Variants in STXBP5L observed in about 807,000 individuals in gnomAD.
STXBP5L encodes syntaxin binding protein 5L.
Under a neutral mutation model 144.5 loss-of-function variants are expected in STXBP5L, and 65 were observed. That is an observed-to-expected ratio of 0.45 (90% CI 0.37 to 0.55). The LOEUF is 0.55. Among genes scored for constraint, STXBP5L ranks in the 20% least tolerant of loss-of-function variants. The pLI is 0.00. For synonymous variants in STXBP5L, 505 were observed against 469.6 expected, an observed-to-expected ratio of 1.08 and a Z score of -0.97; for missense variants, 1,298 against 1,405.5, an observed-to-expected ratio of 0.92 and a Z score of 1.22.
intron 7 of STXBP5L, among the ~76,000 whole-genome samples, chr3:121,134,104 T>C (rs2045128009): frequency 6.6e-6 from 1 of 152,176 alleles, no homozygotes; most frequent in Non-Finnish European, 1.5e-5. Context: ...AAAAGGAATT[T>C]ATTTATTACA....
At chr3:120,979,894 G>T (rs2107864334) in intron 3 of STXBP5L, among the ~76,000 whole-genome samples, 1 of 152,230 alleles carries the variant, frequency 6.6e-6, no homozygotes, top group South Asian at 2.1e-4. Context: ...TTCTTTTGCT[G>T]TATCCTGTAT....
At chr3:121,069,523 C>T (rs1049475026) in intron 5 of STXBP5L, among the ~76,000 whole-genome samples, 2 of 151,500 alleles carry the variant, frequency 1.3e-5, no homozygotes, top group Non-Finnish European at 1.5e-5. Flanking sequence ...GCGCAATTGC[C>T]GGGTTGTATG....
intron 20 of STXBP5L, among the ~76,000 whole-genome samples, chr3:121,320,143 T>C (rs2108534457): frequency 6.6e-6 from 1 of 152,330 alleles, no homozygotes; most frequent in South Asian, 2.1e-4. Context: ...CAATATTGAA[T>C]TTTTCGTTTA....
chr3:121,208,401 G>A (rs995716541), intron 10 of STXBP5L, among the ~76,000 whole-genome samples: 33 of 152,048 alleles, frequency 2.2e-4, no homozygotes, highest in Admixed American at 1.2e-3. Flanking sequence ...GTTAATGGGT[G>A]CAGCACACCA....
intron 3 of STXBP5L, among the ~76,000 whole-genome samples, chr3:120,960,634 T>TCATTCTCAG (rs1313833627): frequency 4.6e-5 from 7 of 152,024 alleles, no homozygotes; most frequent in Admixed American, 4.6e-4. Context: ...TTGGAAACCA[T>TCATTCTCAG]CATTCTCAGC....
chr3:121,367,790 C>CGTTTTTT (rs756426144), intron 20 of STXBP5L, among the ~76,000 whole-genome samples: 1 of 106,304 alleles, frequency 9.4e-6, no homozygotes, highest in Non-Finnish European at 1.8e-5. Context: ...TTTGCTTTTC[C>CGTTTTTT]TTTTTTTTTT....
intron 7 of STXBP5L, among the ~76,000 whole-genome samples, chr3:121,145,203 ATCTT>A (rs1280416322): frequency 6.6e-6 from 1 of 151,870 alleles, no homozygotes; most frequent in African/African-American, 2.4e-5. Flanking sequence ...TAATGGAAAA[ATCTT>A]AAATAAAATA....
At chr3:121,132,268 T>C (rs2045026492) in intron 7 of STXBP5L, among the ~76,000 whole-genome samples, 1 of 152,186 alleles carries the variant, frequency 6.6e-6, no homozygotes, top group South Asian at 2.1e-4. Flanking sequence ...AGTGGATCTG[T>C]GCATCCAGTG....
At chr3:121,356,157 A>G (rs1390398499) in intron 20 of STXBP5L, among the ~76,000 whole-genome samples, 1 of 152,236 alleles carries the variant, frequency 6.6e-6, no homozygotes, top group South Asian at 2.1e-4. Flanking sequence ...TCAGCGACAC[A>G]CTTAGGAGGC....
chr3:121,252,633 A>G (rs1270576490), intron 15 of STXBP5L, among the ~76,000 whole-genome samples: 1 of 152,220 alleles, frequency 6.6e-6, no homozygotes, highest in Non-Finnish European at 1.5e-5. Context: ...TTTGTGAAAC[A>G]CTGTCTAATA....
chr3:121,162,168 G>C (rs1337292526), intron 9 of STXBP5L, among the ~76,000 whole-genome samples: 1 of 152,024 alleles, frequency 6.6e-6, no homozygotes, highest in East Asian at 1.9e-4. Flanking sequence ...ACATACAAGA[G>C]AAAACTTGAA....
chr3:121,026,306 T>A (rs904473549), intron 3 of STXBP5L, among the ~76,000 whole-genome samples: 12 of 151,956 alleles, frequency 7.9e-5, no homozygotes, highest in African/African-American at 2.7e-4. Context: ...CCTGGTTAAA[T>A]CTTTTATATT....
chr3:121,050,552 C>T (rs1947889712), intron 5 of STXBP5L, among the ~76,000 whole-genome samples: 1 of 151,732 alleles, frequency 6.6e-6, no homozygotes, highest in Non-Finnish European at 1.5e-5. Flanking sequence ...TTTGTCACCA[C>T]CAGGCCTGCC....
At chr3:120,975,812 T>C (rs1559936929) in intron 3 of STXBP5L, among the ~76,000 whole-genome samples, 1 of 152,178 alleles carries the variant, frequency 6.6e-6, no homozygotes, top group Non-Finnish European at 1.5e-5. Context: ...CATGTGGTTT[T>C]TGTCTTTGGT....
intron 9 of STXBP5L, among the ~76,000 whole-genome samples, chr3:121,169,274 G>A (rs2046616117): frequency 6.6e-6 from 1 of 152,138 alleles, no homozygotes; most frequent in Admixed American, 6.5e-5. Flanking sequence ...TGAAGAAACT[G>A]CATCAACTAA....
intron 9 of STXBP5L, among the ~76,000 whole-genome samples, chr3:121,168,519 A>G (rs1309956281): frequency 6.6e-6 from 1 of 152,216 alleles, no homozygotes; most frequent in African/African-American, 2.4e-5. Context: ...GCTGAAAAAC[A>G]CGACACGAGA....
intron 3 of STXBP5L, among the ~76,000 whole-genome samples, chr3:121,029,454 G>A (rs944318620): frequency 7.2e-5 from 11 of 152,108 alleles, no homozygotes; most frequent in African/African-American, 7.2e-5. Context: ...TTTATAAATG[G>A]TGTTGGGAAA....
chr3:120,949,164 CTT>C (rs1457778427), intron 2 of STXBP5L, among the ~76,000 whole-genome samples: 1 of 151,664 alleles, frequency 6.6e-6, no homozygotes, highest in Admixed American at 6.6e-5. Flanking sequence ...AATTAATGGT[CTT>C]GAGCATTTTT....
At chr3:121,003,910 A>C (rs1944013808) in intron 3 of STXBP5L, among the ~76,000 whole-genome samples, 3 of 150,140 alleles carry the variant, frequency 2.0e-5, no homozygotes, top group Admixed American at 1.3e-4. Flanking sequence ...CCATTGGTCT[A>C]CTCTGTTTTG....
Sources: gnomAD v4.1 joint callset for allele counts (sites outside exome capture counted in the v4.1 genomes callset) on GRCh38, gnomAD v4.1.1 for gene constraint, MANE v1.5 for transcripts, NCBI Gene and HGNC (gene_info 2026-07-23, HGNC 2026-07-21) for gene names.